The following CACNA1C variants were observed in gnomAD, a reference collection of about 807,000 sequenced individuals.
CACNA1C encodes the protein calcium voltage-gated channel subunit alpha1 C, also known as voltage-dependent L-type calcium channel subunit alpha-1C.
In CACNA1C, 30 loss-of-function variants were observed where a neutral mutation model predicts 229.0. That is an observed-to-expected ratio of 0.13 (90% CI 0.10 to 0.18). CACNA1C has a LOEUF of 0.18. Among genes scored for constraint, CACNA1C ranks in the 10% least tolerant of loss-of-function variants. The pLI is 1.00. For missense variants in CACNA1C, 1,658 were observed against 2,845.0 expected (o/e 0.58, Z 9.49); for synonymous variants, 1,114 against 1,132.5 (o/e 0.98, Z 0.33).
At chr12:2,128,326 A>G (rs983272940) in intron 3 of CACNA1C, among the ~76,000 whole-genome samples, 4 of 152,232 alleles carry the variant, frequency 2.6e-5, no homozygotes, top group African/African-American at 9.6e-5. Context: ...CAGTATTAAC[A>G]GATTTAAAAT....
At position 2,607,078 on chromosome 12, in the gene CACNA1C, C is replaced by T. The variant is rs547879214; in HGVS notation, c.3304C>T (p.Leu1102=). The change falls in exon 26 of 47, where the codon CTG becomes TTG. Residue 1102 remains leucine (L), a synonymous_variant. Transcript: ENST00000399655. ...ENSKFDFDNV[L]AAMMALFTVS... ...CAGCAAGTTTGACTTTGACAATGTTCTGGCAGCCATGATGGCCCTCTTCAC... is the reference window on the plus strand; with the variant it reads ...CAGCAAGTTTGACTTTGACAATGTTTTGGCAGCCATGATGGCCCTCTTCAC... The T allele has an allele frequency of 1.2e-6, 2 of 1,613,980 alleles. No individual in the cohort carries two copies. The highest frequency in any genetic ancestry group is 1.7e-6 in the Non-Finnish European group (2 of 1,179,904).
chr12:2,329,882 A>G (rs1047044084), intron 3 of CACNA1C, among the ~76,000 whole-genome samples: 1 of 152,248 alleles, frequency 6.6e-6, no homozygotes, highest in Admixed American at 6.5e-5. Flanking sequence ...TGTGAAGGCC[A>G]TGACAGCTGG....
intron 1 of CACNA1C, among the ~76,000 whole-genome samples, chr12:2,003,473 T>C (rs2042652386): frequency 6.6e-6 from 1 of 152,254 alleles, no homozygotes. Context: ...GAAACAAAAT[T>C]ACATGTCTCT....
rs183255578 is a variant in CACNA1C, at chr12:2,153,159, A to G, written c.477+32729A>G. Among the ~76,000 whole-genome samples, 144 of 152,056 alleles carry G rather than the reference A, an allele frequency of 9.5e-4. 1 individual carries two copies. Among genetic ancestry groups the G allele is most frequent in the African/African-American group, 2.7e-4 (11 of 41,480 alleles). On this transcript the variant is annotated intron_variant, in intron 3 of 46. Transcript: ENST00000399655. The stretch of plus-strand genomic sequence containing the variant: ...AATGGAGCAGTTGATTTTCCTCTCA[A>G]TCCTCTCTCTGTGTCTGTTGTTCCT...
chr12:2,067,000 G>A (rs941516487), intron 1 of CACNA1C, among the ~76,000 whole-genome samples: 1 of 152,128 alleles, frequency 6.6e-6, no homozygotes, highest in Non-Finnish European at 1.5e-5. Flanking sequence ...AAATCCACAA[G>A]GGTGCCCAGG....
Position 2,665,241 on chromosome 12 carries a change from G to A in CACNA1C, c.4398+251G>A, listed in dbSNP as rs926029523. ...TGGTGGCATTGTCCCAGAGGACAAC[G>A]GGGACATGTGGGGGCCTAGAAAGAA... On this transcript the variant is annotated intron_variant, in intron 35 of 46. Coordinates refer to ENST00000399655, the MANE Select transcript of CACNA1C (RefSeq NM_000719.7). This position sits in a 1 kb window ranked among gnomAD's most constrained non-coding sequence, Gnocchi z 5.9. Among the ~76,000 whole-genome samples the A allele has an allele frequency of 2.0e-5, 3 of 152,162 alleles. No individual in the cohort carries two copies. The highest frequency in any genetic ancestry group is 2.9e-5 in the Non-Finnish European group (2 of 68,028).
At chr12:2,268,087 A>G (rs1421235192) in intron 3 of CACNA1C, among the ~76,000 whole-genome samples, 1 of 152,206 alleles carries the variant, frequency 6.6e-6, no homozygotes, top group Admixed American at 6.5e-5. Flanking sequence ...TACACTGAGC[A>G]GCCTGTGCCT....
chr12:2,036,022 C>T (rs944385801), intron 1 of CACNA1C, among the ~76,000 whole-genome samples: 1 of 152,122 alleles, frequency 6.6e-6, no homozygotes, highest in Non-Finnish European at 1.5e-5. Context: ...GTAACACCTT[C>T]TTTGGGGTTT....
At chr12:2,429,723 A>G (rs985065803) in intron 3 of CACNA1C, among the ~76,000 whole-genome samples, 1 of 152,124 alleles carries the variant, frequency 6.6e-6, no homozygotes, top group Non-Finnish European at 1.5e-5. Context: ...GCTTGGAGCT[A>G]TTTGATAGAT....
intron 1 of CACNA1C, among the ~76,000 whole-genome samples, chr12:2,055,586 G>C (rs1464936341): frequency 1.3e-5 from 2 of 152,296 alleles, no homozygotes; most frequent in East Asian, 3.9e-4. Flanking sequence ...GACATTAAAA[G>C]TAGGAGTGCC....
At chr12:2,178,934 C>A (rs1311655289) in intron 3 of CACNA1C, among the ~76,000 whole-genome samples, 2 of 152,062 alleles carry the variant, frequency 1.3e-5, no homozygotes, top group African/African-American at 2.4e-5. Context: ...AGGTGACAGG[C>A]GCTTGCAGTC....
intron 42 of CACNA1C, chr12:2,681,939 T>C (rs369700160): frequency 2.6e-5 from 39 of 1,497,660 alleles, no homozygotes; most frequent in Non-Finnish European, 9.3e-6. Flanking sequence ...GACCTGACCC[T>C]GTCCCAGCAG....
intron 3 of CACNA1C, among the ~76,000 whole-genome samples, chr12:2,448,491 T>C (rs1452111914): frequency 6.6e-6 from 1 of 152,174 alleles, no homozygotes; most frequent in Non-Finnish European, 1.5e-5. Flanking sequence ...GCTCTGTCTT[T>C]TGGAGGAACT....
intron 3 of CACNA1C, among the ~76,000 whole-genome samples, chr12:2,268,495 G>C (rs1316154042): frequency 1.3e-5 from 2 of 152,216 alleles, no homozygotes; most frequent in Non-Finnish European, 2.9e-5. Context: ...AAAAGCAAAT[G>C]CTCCTGGGCA....
intron 3 of CACNA1C, among the ~76,000 whole-genome samples, chr12:2,302,865 CT>C (rs771911756): frequency 6.6e-6 from 1 of 152,248 alleles, no homozygotes; most frequent in Non-Finnish European, 1.5e-5. Flanking sequence ...CAGGGAGCCT[CT>C]CGGCTCCATC....
At chr12:2,225,024 G>A (rs796777671) in intron 3 of CACNA1C, among the ~76,000 whole-genome samples, 7 of 152,198 alleles carry the variant, frequency 4.6e-5, no homozygotes, top group South Asian at 2.1e-4. Context: ...ATAAACGTTC[G>A]CACTCTAAAC....
intron 3 of CACNA1C, among the ~76,000 whole-genome samples, chr12:2,301,699 C>A (rs1025666371): frequency 6.6e-6 from 1 of 152,150 alleles, no homozygotes; most frequent in African/African-American, 2.4e-5. Flanking sequence ...AGCCTGATCT[C>A]CTTTGGAAAA....
intron 3 of CACNA1C, among the ~76,000 whole-genome samples, chr12:2,420,324 A>G (rs1286419179): frequency 6.6e-6 from 1 of 152,074 alleles, no homozygotes; most frequent in Non-Finnish European, 1.5e-5. Flanking sequence ...GACCAGGGAG[A>G]TGCCACCAGG....
intron 29 of CACNA1C, among the ~76,000 whole-genome samples, chr12:2,617,891 A>T (rs1054422603): frequency 6.6e-6 from 1 of 152,244 alleles, no homozygotes; most frequent in Admixed American, 6.5e-5. Flanking sequence ...CCAGTTTCTC[A>T]TCTACTCTGT....
Sources: allele counts gnomAD v4.1 joint callset (sites outside exome capture counted in the v4.1 genomes callset), GRCh38; gene constraint gnomAD v4.1.1; non-coding constraint Gnocchi (gnomAD v3.1); transcripts MANE v1.5; gene names NCBI Gene and HGNC (gene_info 2026-07-23, HGNC 2026-07-21).